The following GRIK4 variants were observed in gnomAD, a reference collection of about 807,000 sequenced individuals.
GRIK4 encodes the protein glutamate receptor ionotropic, kainate 4.
Under a neutral mutation model 104.9 loss-of-function variants are expected in GRIK4, and 40 were observed. The observed-to-expected ratio is 0.38, with a 90% CI of 0.30 to 0.50. GRIK4 has a LOEUF of 0.50. Ranked by LOEUF, GRIK4 falls within the 20% of genes least tolerant of loss-of-function variation. The probability of loss-of-function intolerance (pLI) is 0.93; values close to 1 mark genes in which losing one functional copy is unlikely to be tolerated. For missense variants in GRIK4, 1,047 were observed against 1,308.1 expected (o/e 0.80, Z 3.08); for synonymous variants, 485 against 524.9 (o/e 0.92, Z 1.04).
At chr11:120,657,680 C>T (rs1374879042) in intron 2 of GRIK4, among the ~76,000 whole-genome samples, 1 of 152,174 alleles carries the variant, frequency 6.6e-6, no homozygotes, top group Non-Finnish European at 1.5e-5. Flanking sequence ...CAGAGAGAGG[C>T]CCCATTCTGG....
chr11:120,949,292 C>T (rs1265871112), intron 14 of GRIK4, among the ~76,000 whole-genome samples: 2 of 152,214 alleles, frequency 1.3e-5, no homozygotes, highest in African/African-American at 4.8e-5. Context: ...CTTTGTATCT[C>T]TCCCTCCGTC....
intron 3 of GRIK4, among the ~76,000 whole-genome samples, chr11:120,753,822 C>T (rs959128761): frequency 2.4e-4 from 36 of 152,084 alleles, no homozygotes; most frequent in Admixed American, 2.4e-3. Flanking sequence ...ATATAATGCA[C>T]CCATTTAAAG....
In GRIK4 at chr11:120,952,859, G is replaced by C. The variant is rs912722698; in HGVS notation, c.1595G>C (p.Arg532Pro). The C allele has an allele frequency of 3.7e-6, 6 of 1,609,566 alleles. No individual in the cohort carries two copies. Among genetic ancestry groups the C allele is most frequent in the Non-Finnish European group, 5.1e-6 (6 of 1,175,872 alleles). The change falls in exon 15 of 21, where the codon CGC becomes CCC. Residue 532 changes from arginine (R) to proline (P), a missense_variant. This residue lies in a region of GRIK4 where 440 missense variants were observed against 652.3 expected (regional missense o/e 0.67). Transcript: ENST00000527524. This position sits in a 1 kb window ranked among gnomAD's most constrained non-coding sequence, Gnocchi z 5.2. The stretch of plus-strand genomic sequence containing the variant: ...TGTTTTTCTCTCCATTTCCAGGGAC[G>C]CAAACCCGGCTATTTCTCCTTCCTG... ...ISILYRVHMGRKPGYFSFLDP... is the reference protein window; with the variant it reads ...ISILYRVHMGPKPGYFSFLDP...
At chr11:120,597,575 G>A (rs1412795628) in intron 1 of GRIK4, among the ~76,000 whole-genome samples, 1 of 152,196 alleles carries the variant, frequency 6.6e-6, no homozygotes, top group South Asian at 2.1e-4. Context: ...AGAACAAAAA[G>A]CAAATTGCCT....
intron 14 of GRIK4, among the ~76,000 whole-genome samples, chr11:120,944,702 C>G (rs986780439): frequency 1.4e-4 from 21 of 152,322 alleles, no homozygotes; most frequent in African/African-American, 4.8e-4. Context: ...GGATCCCCAT[C>G]AAAAGGCCAC....
intron 3 of GRIK4, among the ~76,000 whole-genome samples, chr11:120,773,477 C>A (rs61901423): frequency 0.013 from 1,964 of 152,308 alleles, 20 homozygotes; most frequent in Non-Finnish European, 0.018. Context: ...GGACCAAACA[C>A]GGAGAGAAAG....
chr11:120,881,655 A>G (rs1247107178), intron 11 of GRIK4, among the ~76,000 whole-genome samples: 2 of 152,152 alleles, frequency 1.3e-5, no homozygotes, highest in Non-Finnish European at 2.9e-5. Flanking sequence ...AGAGAATTCA[A>G]CCCAACTCCT....
chr11:120,906,918 A>C (rs1310196587), intron 13 of GRIK4, among the ~76,000 whole-genome samples: 1 of 152,202 alleles, frequency 6.6e-6, no homozygotes, highest in African/African-American at 2.4e-5. Context: ...GGGCGCTTGC[A>C]AACAGACGGC....
At chr11:120,834,674 G>T (rs1294638634) in intron 7 of GRIK4, among the ~76,000 whole-genome samples, 1 of 152,178 alleles carries the variant, frequency 6.6e-6, no homozygotes, top group African/African-American at 2.4e-5. Flanking sequence ...TGGGAGTCCA[G>T]CCCCTAGAGC....
intron 11 of GRIK4, among the ~76,000 whole-genome samples, chr11:120,882,405 C>A (rs1218209740): frequency 6.6e-6 from 1 of 152,178 alleles, no homozygotes; most frequent in East Asian, 1.9e-4. Flanking sequence ...GAATCAGCAG[C>A]CTTGAGTGCC....
chr11:120,867,780 G>A (rs1954465254), intron 9 of GRIK4, among the ~76,000 whole-genome samples: 1 of 151,876 alleles, frequency 6.6e-6, no homozygotes, highest in Non-Finnish European at 1.5e-5. Context: ...CTGAGACAAT[G>A]CAAGCAGAAG....
Position 120,940,918 on chromosome 11 carries a change from A to G in GRIK4, c.1590+458A>G, listed in dbSNP as rs553735977. On this transcript the variant is annotated intron_variant, in intron 14 of 20. Transcript: ENST00000527524. This position sits in a 1 kb window ranked among gnomAD's most constrained non-coding sequence, Gnocchi z 4.3. ...TGGAGAATAAATGGTAGATAATTTA[A>G]TGTCATTTATACCTGGCCTGCCCTT... 1.4e-4 allele frequency among the ~76,000 whole-genome samples: 21 copies of G among 152,156 alleles called. No homozygotes were observed. The highest frequency in any genetic ancestry group is 1.0e-3 in the South Asian group (5 of 4,824).
chr11:120,838,896 C>T (rs899728898), intron 8 of GRIK4, among the ~76,000 whole-genome samples: 3 of 152,178 alleles, frequency 2.0e-5, no homozygotes, highest in African/African-American at 7.2e-5. Flanking sequence ...AAGCCATTCT[C>T]CTGCCTCCGC....
At chr11:120,653,969 G>A (rs1241997255) in intron 2 of GRIK4, among the ~76,000 whole-genome samples, 177 bp downstream of exon 2, 1 of 152,166 alleles carries the variant, frequency 6.6e-6, no homozygotes, top group Non-Finnish European at 1.5e-5. Flanking sequence ...GTTGGGTGTC[G>A]AGAACAGGGT....
chr11:120,598,018 T>C (rs1818088886), intron 1 of GRIK4, among the ~76,000 whole-genome samples: 1 of 152,174 alleles, frequency 6.6e-6, no homozygotes, highest in Non-Finnish European at 1.5e-5. Flanking sequence ...GATTAAAAAC[T>C]AAGTGCCTCA....
chr11:120,648,685 C>T (rs749131973), intron 1 of GRIK4, among the ~76,000 whole-genome samples: 6 of 152,116 alleles, frequency 3.9e-5, no homozygotes, highest in Non-Finnish European at 7.4e-5. Flanking sequence ...GTATTAGCCT[C>T]ACTCTGCAGA....
intron 3 of GRIK4, among the ~76,000 whole-genome samples, chr11:120,721,276 G>A (rs1950929895): frequency 6.6e-6 from 1 of 152,262 alleles, no homozygotes; most frequent in East Asian, 1.9e-4. Flanking sequence ...AAACAAATGT[G>A]GATGAGGCAT....
At chr11:120,945,185 C>T (rs1045498149) in intron 14 of GRIK4, among the ~76,000 whole-genome samples, 2 of 152,158 alleles carry the variant, frequency 1.3e-5, no homozygotes, top group Non-Finnish European at 2.9e-5. Context: ...TCTAGGTTCA[C>T]GCTCATCTAC....
chr11:120,782,226 C>T (rs932491992), intron 3 of GRIK4, among the ~76,000 whole-genome samples: 2 of 151,962 alleles, frequency 1.3e-5, no homozygotes, highest in Admixed American at 6.6e-5. Context: ...CTGTCCTGTC[C>T]GTCAGTCTAT....
Sources: allele counts gnomAD v4.1 joint callset (sites outside exome capture counted in the v4.1 genomes callset), GRCh38; gene constraint gnomAD v4.1.1; regional missense constraint gnomAD v4.1.1; non-coding constraint Gnocchi (gnomAD v3.1); transcripts MANE v1.5; gene names NCBI Gene and HGNC (gene_info 2026-07-23, HGNC 2026-07-21).